The following MROH2A variants were observed in gnomAD, a reference collection of about 807,000 sequenced individuals.
MROH2A encodes the protein maestro heat-like repeat-containing protein family member 2A.
MROH2A carries 174 observed loss-of-function variants against 200.4 expected under a neutral mutation model. The ratio of observed to expected loss-of-function variants is 0.87; its 90% CI spans 0.77 to 0.98. The LOEUF (loss-of-function observed/expected upper bound fraction) is 0.98. Among genes scored for constraint, MROH2A ranks in the 50% least tolerant of loss-of-function variants. The pLI is 0.00. For missense variants in MROH2A, 2,045 were observed against 2,139.6 expected (o/e 0.96, Z 0.87); for synonymous variants, 829 against 840.4 (o/e 0.99, Z 0.23).
At chr2:233,783,266 T>G (rs767864192) in intron 3 of MROH2A, among the ~76,000 whole-genome samples, 1 of 152,174 alleles carries the variant, frequency 6.6e-6, no homozygotes, top group Non-Finnish European at 1.5e-5. Context: ...CTTATCCATC[T>G]CTTTTTTTGA....
chr2:233,787,528 C>T (rs116149023), intron 3 of MROH2A, among the ~76,000 whole-genome samples: 4,091 of 88,006 alleles, frequency 0.046, 181 homozygotes, highest in South Asian at 0.08. Context: ...ATATATATTA[C>T]ATATATCATA....
chr2:233,798,578 CCAAGGGAACGAGG>C (rs1463154595), intron 11 of MROH2A, among the ~76,000 whole-genome samples, 183 bp from the exon 12 acceptor site: 1 of 152,132 alleles, frequency 6.6e-6, no homozygotes, highest in Non-Finnish European at 1.5e-5. Flanking sequence ...AAAGCAGTGG[CCAAGGGAACGAGG>C]CGTGGAAACA....
chr2:233,781,304 A>T (rs764745048), intron 3 of MROH2A, among the ~76,000 whole-genome samples: 1 of 152,168 alleles, frequency 6.6e-6, no homozygotes, highest in Non-Finnish European at 1.5e-5. Flanking sequence ...TTTTTTGAGA[A>T]ACCTCCATAG....
chr2:233,788,353 G>C (rs538810003), intron 3 of MROH2A, among the ~76,000 whole-genome samples: 7 of 149,480 alleles, frequency 4.7e-5, no homozygotes, highest in Admixed American at 2.7e-4. Context: ...AGCTACTAAG[G>C]CCACATCATT....
chr2:233,787,528 C>CATATATAAT (rs1559435142), intron 3 of MROH2A, among the ~76,000 whole-genome samples: 1 of 88,146 alleles, frequency 1.1e-5, no homozygotes, highest in African/African-American at 4.7e-5. Flanking sequence ...ATATATATTA[C>CATATATAAT]ATATATCATA....
chr2:233,790,100 A>G, intron 5 of MROH2A, 86 bp downstream of exon 5: 1 of 1,227,664 alleles, frequency 8.1e-7, no homozygotes, highest in Non-Finnish European at 1.1e-6. Context: ...CCCTATGTTC[A>G]CCTCTTCCTC....
intron 34 of MROH2A, among the ~76,000 whole-genome samples, chr2:233,823,312 G>C (rs1216485390): frequency 1.3e-5 from 2 of 152,254 alleles, no homozygotes; most frequent in Non-Finnish European, 2.9e-5. Flanking sequence ...TGGGGTCCTA[G>C]TCACTCCGGA....
Position 233,816,873 on chromosome 2 carries a change from C to A in MROH2A, c.2949C>A (p.Ser983Arg), listed in dbSNP as rs1174743306. 3 of 1,544,554 alleles carry A rather than the reference C, an allele frequency of 1.9e-6. No homozygotes were observed. In the South Asian group the frequency reaches 3.6e-5, roughly 18 times the overall value. Residue 983 changes from serine to arginine, a missense_variant, in exon 27 of 42, where the codon AGC (serine) becomes AGA (arginine). By Grantham distance (110) the Ser-to-Arg change is moderately radical. Transcript: ENST00000389758. Reference protein sequence around the residue: ...HLYLMWIYVHSTAVCIHLKLG... With the variant: ...HLYLMWIYVHRTAVCIHLKLG... ...ATCTCATGTGGATTTATGTCCACAG[C>A]ACTGCTGTCTGTGTGAGTCCAGGAG...
intron 23 of MROH2A, among the ~76,000 whole-genome samples, chr2:233,811,644 G>A (rs932880268): frequency 7.2e-5 from 11 of 152,238 alleles, no homozygotes; most frequent in Non-Finnish European, 4.4e-5. Flanking sequence ...GCTGGCCCAG[G>A]GGCACACAGC....
chr2:233,787,785 AT>A lies in MROH2A; in HGVS notation c.277-1711del, dbSNP rs1289817743. 1.0e-3 allele frequency among the ~76,000 whole-genome samples: 14 copies of A among 13,350 alleles called. 6 individuals carry two copies. The highest frequency in any genetic ancestry group is 5.3e-3 in the African/African-American group (11 of 2,068). 8.8% of individuals were successfully genotyped at this position (13,350 alleles called of 152,430 possible). On this transcript the variant is annotated intron_variant, in intron 3 of 41. Coordinates refer to ENST00000389758, the MANE Select transcript of MROH2A (RefSeq NM_001394639.1). ...TCATATATACATATATATTATATAT[AT>A]CATATATAATATATATTATATATAT...
In MROH2A at chr2:233,814,680, G is replaced by A; in HGVS notation, c.2856+3G>A. The A allele has an allele frequency of 1.9e-6, 3 of 1,548,482 alleles. No homozygotes were observed. Among genetic ancestry groups the A allele is most frequent in the Non-Finnish European group, 2.6e-6 (3 of 1,145,656 alleles). Reference sequence around the variant, plus strand: ...AGGGGCTGCAGGAGATGGTGCAGGTGAGTTGCCTGGTGGCGGGCCAGAGCC... The same window carrying A: ...AGGGGCTGCAGGAGATGGTGCAGGTAAGTTGCCTGGTGGCGGGCCAGAGCC... On this transcript the variant is annotated splice_donor_region_variant and intron_variant, in intron 26 of 41. Coordinates refer to ENST00000389758, the MANE Select transcript of MROH2A (RefSeq NM_001394639.1).
intron 3 of MROH2A, among the ~76,000 whole-genome samples, chr2:233,783,207 C>G (rs1200032641): frequency 2.0e-5 from 3 of 152,048 alleles, no homozygotes; most frequent in African/African-American, 7.2e-5. Flanking sequence ...TCTGGTTTTT[C>G]TATCAGGGTA....
chr2:233,820,165 C>T lies in MROH2A; in HGVS notation c.3512+109C>T. The stretch of plus-strand genomic sequence containing the variant: ...TGGAGCCTTGGGCAGTACCCTGCCC[C>T]ACCCTGAAGGAGGTCGAAGCCCTCT... On this transcript the variant is annotated intron_variant, in intron 31 of 41. Transcript: ENST00000389758. This position sits in a 1 kb window ranked among gnomAD's most constrained non-coding sequence, Gnocchi z 4.1. 1 of 1,005,268 alleles carries T rather than the reference C, an allele frequency of 9.9e-7. No homozygotes were observed. Among genetic ancestry groups the T allele is most frequent in the Non-Finnish European group, 1.4e-6 (1 of 735,068 alleles). 62.3% of individuals were successfully genotyped at this position (1,005,268 alleles called of 1,614,324 possible). A position where few individuals can be genotyped will look rare whatever the true frequency, so the allele number is the denominator to read the frequency against.
Position 233,822,572 on chromosome 2 carries a change from G to A in MROH2A, c.3866+16G>A. Reference sequence around the variant, plus strand: ...ACCTGCAAAGGTGCTCTCGAGGGCGGTGGGTGCAAGGCAGCAGGCCTGGGC... The same window carrying A: ...ACCTGCAAAGGTGCTCTCGAGGGCGATGGGTGCAAGGCAGCAGGCCTGGGC... On this transcript the variant is annotated intron_variant, in intron 33 of 41. Coordinates refer to ENST00000389758, the MANE Select transcript of MROH2A (RefSeq NM_001394639.1). 1 of 1,546,224 alleles carries A rather than the reference G, an allele frequency of 6.5e-7. No homozygotes were observed. Among genetic ancestry groups the A allele is most frequent in the Non-Finnish European group, 8.7e-7 (1 of 1,146,544 alleles).
chr2:233,814,741 G>A, intron 26 of MROH2A, 64 bp downstream of exon 26: 1 of 1,142,718 alleles, frequency 8.8e-7, no homozygotes, highest in South Asian at 1.4e-5. Flanking sequence ...CTGGACTGAG[G>A]GCCAGACTCT....
At chr2:233,806,464 CAAAG>C (rs1284336817) in intron 19 of MROH2A, among the ~76,000 whole-genome samples, 3 of 151,692 alleles carry the variant, frequency 2.0e-5, no homozygotes, top group South Asian at 2.1e-4. Flanking sequence ...TTACAAATAA[CAAAG>C]AAAAAGCCCA....
chr2:233,805,059 G>A lies in MROH2A; in HGVS notation c.2000G>A (p.Ser667Asn), dbSNP rs1702705309. The stretch of plus-strand genomic sequence containing the variant: ...GGGTCTAGCTGGAGCCTGCGCTTGA[G>A]TAAAGAGCTGAACAACCAGATTGCG... ...TRGSSWSLRL[S>N]KELNNQIASF... Residue 667 changes from serine (S) to asparagine (N), a missense_variant, in exon 19 of 42, where the codon AGT becomes AAT. This residue lies in a region of MROH2A where 1,201 missense variants were observed against 1,311.3 expected (regional missense o/e 0.92). Transcript: ENST00000389758. 3.2e-6 allele frequency: 5 copies of A among 1,550,322 alleles called. No homozygotes were observed. The highest frequency in any genetic ancestry group is 4.4e-6 in the Non-Finnish European group (5 of 1,146,864).
chr2:233,802,185 G>A lies in MROH2A; in HGVS notation c.1578G>A (p.Leu526=), dbSNP rs10929306. Residue 526 remains leucine, a synonymous_variant, in exon 15 of 42, where the codon CTG becomes CTA. Coordinates refer to ENST00000389758, the MANE Select transcript of MROH2A (RefSeq NM_001394639.1). Reference sequence around the variant, plus strand: ...TACCCCAGGAGTTTTGGGTGAGGCTGCTGTGCTACATCATGGAGACAGACT... The same window carrying A: ...TACCCCAGGAGTTTTGGGTGAGGCTACTGTGCTACATCATGGAGACAGACT... The part of the protein sequence containing the change: ...SGMTTEFWVR[L]LCYIMETDYV... 1.3e-6 allele frequency: 2 copies of A among 1,549,056 alleles called. No individual in the cohort carries two copies.
At chr2:233,791,814 C>G (rs1338932844) in intron 5 of MROH2A, among the ~76,000 whole-genome samples, 1 of 151,876 alleles carries the variant, frequency 6.6e-6, no homozygotes, top group Non-Finnish European at 1.5e-5. Flanking sequence ...GGAAGAGCTT[C>G]ACGGCTTGCT....
Sources: gnomAD v4.1 joint callset for allele counts (sites outside exome capture counted in the v4.1 genomes callset) on GRCh38, gnomAD v4.1.1 for gene constraint, gnomAD v4.1.1 regional missense constraint, Gnocchi (gnomAD v3.1) non-coding constraint, MANE v1.5 for transcripts, NCBI Gene and HGNC (gene_info 2026-07-23, HGNC 2026-07-21) for gene names.